Variants in PIEZO2 observed in about 807,000 individuals in gnomAD.
The protein encoded by PIEZO2 is piezo-type mechanosensitive ion channel component 2.
Under a neutral mutation model 337.3 loss-of-function variants are expected in PIEZO2, and 172 were observed. The observed-to-expected ratio is 0.51, with a 90% CI of 0.45 to 0.58. PIEZO2 has a LOEUF of 0.58. PIEZO2 is among the 20% of genes least tolerant of loss of function. The pLI, the probability that PIEZO2 is intolerant of heterozygous loss-of-function variation, is 0.00. For missense variants in PIEZO2, 3,028 were observed against 3,391.3 expected, an observed-to-expected ratio of 0.89 and a Z score of 2.66; for synonymous variants, 1,251 against 1,228.5, an observed-to-expected ratio of 1.02 and a Z score of -0.38.
chr18:10,936,364 C>T (rs1199242963), intron 3 of PIEZO2, among the ~76,000 whole-genome samples: 3 of 152,134 alleles, frequency 2.0e-5, no homozygotes, highest in Non-Finnish European at 4.4e-5. Context: ...CTTGGAATGT[C>T]TCCTGGAGTC....
At chr18:10,958,327 G>C (rs906954320) in intron 3 of PIEZO2, among the ~76,000 whole-genome samples, 1 of 152,020 alleles carries the variant, frequency 6.6e-6, no homozygotes, top group Non-Finnish European at 1.5e-5. Flanking sequence ...AAACTAGAAA[G>C]GTTGCCATCA....
chr18:10,726,697 G>C lies in PIEZO2; in HGVS notation c.5029+4710C>G. 1 of 1,434,468 alleles carries C rather than the reference G, an allele frequency of 7.0e-7. No homozygotes were observed. The highest frequency in any genetic ancestry group is 9.7e-7 in the Non-Finnish European group (1 of 1,028,628). 88.9% of individuals were successfully genotyped at this position (1,434,468 alleles called of 1,614,324 possible). A position where few individuals can be genotyped will look rare whatever the true frequency, so the allele number is the denominator to read the frequency against. On this transcript the variant is annotated intron_variant, in intron 36 of 55. Transcript: ENST00000674853. The surrounding 1 kb of genome is among the most constrained non-coding windows in gnomAD (Gnocchi z 5.9). ...GCCAAGTTAATTCAGCAAGGACCAGGTGTACCTGAACGGCATCCTGTGCAT... is the reference window on the plus strand; with the variant it reads ...GCCAAGTTAATTCAGCAAGGACCAGCTGTACCTGAACGGCATCCTGTGCAT...
chr18:11,085,125 C>A (rs9807702), intron 1 of PIEZO2, among the ~76,000 whole-genome samples: 1 of 152,152 alleles, frequency 6.6e-6, no homozygotes, highest in African/African-American at 2.4e-5. Context: ...TCAAGATGAA[C>A]ATAAGAGGAC....
At chr18:11,120,153 A>G (rs567376860) in intron 1 of PIEZO2, among the ~76,000 whole-genome samples, 133 of 152,322 alleles carry the variant, frequency 8.7e-4, no homozygotes, top group African/African-American at 3.1e-3. Flanking sequence ...CCAGCCACAG[A>G]TAACATCAGT....
chr18:10,905,779 C>T (rs977626256), intron 4 of PIEZO2, among the ~76,000 whole-genome samples: 3 of 152,008 alleles, frequency 2.0e-5, no homozygotes, highest in Non-Finnish European at 4.4e-5. Flanking sequence ...TTTCCTAAGT[C>T]CACTCTTTTA....
intron 3 of PIEZO2, among the ~76,000 whole-genome samples, chr18:10,923,079 T>G (rs1305484083): frequency 6.6e-6 from 1 of 152,154 alleles, no homozygotes; most frequent in Admixed American, 6.5e-5. Flanking sequence ...AGAAGACATT[T>G]CCAGTAACCA....
chr18:11,020,809 C>T (rs1026634715), intron 2 of PIEZO2, among the ~76,000 whole-genome samples: 4 of 152,232 alleles, frequency 2.6e-5, no homozygotes, highest in Non-Finnish European at 5.9e-5. Context: ...TTTCGGAATA[C>T]TTGACATTCG....
rs962604002 is a variant in PIEZO2 at position 11,080,861 on chromosome 18, C to CATAA, written c.65-14643_65-14640dup. On this transcript the variant is annotated intron_variant, in intron 1 of 55. Coordinates refer to ENST00000674853, the MANE Select transcript of PIEZO2 (RefSeq NM_001378183.1). The surrounding 1 kb of genome is among the most constrained non-coding windows in gnomAD (Gnocchi z 5.4). Reference sequence around the variant, plus strand: ...CTGTCAATAAATAAATAAACAAACACATAAATAAATAAATAAAGCAGAGAT... The same window carrying CATAA: ...CTGTCAATAAATAAATAAACAAACACATAAATAAATAAATAAATAAAGCAGAGAT... Among the ~76,000 whole-genome samples the CATAA allele has an allele frequency of 5.3e-5, 8 of 151,952 alleles. No individual in the cohort carries two copies. Among genetic ancestry groups the CATAA allele is most frequent in the East Asian group, 3.9e-4 (2 of 5,186 alleles).
intron 21 of PIEZO2, among the ~76,000 whole-genome samples, chr18:10,764,845 C>T (rs2038286299): frequency 6.6e-6 from 1 of 152,168 alleles, no homozygotes; most frequent in African/African-American, 2.4e-5. Context: ...AACATGTTAC[C>T]TTTTAACAAA....
chr18:10,967,011 G>GTTTTTTTTTTTTTTTTT (rs1368023375), intron 3 of PIEZO2, among the ~76,000 whole-genome samples: 3 of 109,392 alleles, frequency 2.7e-5, no homozygotes, highest in Non-Finnish European at 1.9e-5. Flanking sequence ...CATTTTCTCT[G>GTTTTTTTTTTTTTTTTT]TTTTTTGTTT....
chr18:10,705,798 TG>T, intron 40 of PIEZO2, 52 bp from the exon 41 acceptor site: 1 of 1,457,278 alleles, frequency 6.9e-7, no homozygotes, highest in South Asian at 1.4e-5. Context: ...TCCACACTCC[TG>T]GGGTTCTTTC....
rs1568066720 is a variant in PIEZO2, at chr18:10,795,374, ATTTTATTTTATTTTATTTTATTTTAT to A, written c.1528-398_1528-373del. On this transcript the variant is annotated intron_variant, in intron 12 of 55. Transcript: ENST00000674853. This position sits in a 1 kb window ranked among gnomAD's most constrained non-coding sequence, Gnocchi z 4.4. ...TTATTATTTTATTTTATTTTATTTTATTTTATTTTATTTTATTTTATTTTATTTTATTTTATTCAGCTCTATTGCTT... is the reference window on the plus strand; with the variant it reads ...TTATTATTTTATTTTATTTTATTTTATTTATTTTATTCAGCTCTATTGCTT... 9.9e-4 allele frequency among the ~76,000 whole-genome samples: 56 copies of A among 56,740 alleles called. 1 individual carries two copies. The highest frequency in any genetic ancestry group is 2.6e-3 in the African/African-American group (53 of 20,376). 37.2% of individuals were successfully genotyped at this position (56,740 alleles called of 152,430 possible). A position where few individuals can be genotyped will look rare whatever the true frequency, so the allele number is the denominator to read the frequency against.
In PIEZO2 at chr18:10,726,538, T is replaced by G. The variant is rs907109667; in HGVS notation, c.5029+4869A>C. ...TGTGGCGCGCTGCGCTGCTCTGCTCTGCTACACCAGCCGCCACGCTGTGCG... is the reference window on the plus strand; with the variant it reads ...TGTGGCGCGCTGCGCTGCTCTGCTCGGCTACACCAGCCGCCACGCTGTGCG... On this transcript the variant is annotated intron_variant, in intron 36 of 55. Transcript: ENST00000674853. This position sits in a 1 kb window ranked among gnomAD's most constrained non-coding sequence, Gnocchi z 5.9. The G allele has an allele frequency of 7.0e-7, 1 of 1,438,496 alleles. No individual in the cohort carries two copies. Among genetic ancestry groups the G allele is most frequent in the Admixed American group, 2.4e-5 (1 of 41,044 alleles). The allele number at this position is 1,438,496 out of a possible 1,614,324, so 89.1% of individuals were successfully genotyped here.
intron 11 of PIEZO2, among the ~76,000 whole-genome samples, chr18:10,798,358 G>T (rs113527547): frequency 6.6e-6 from 1 of 152,218 alleles, no homozygotes; most frequent in Non-Finnish European, 1.5e-5. Flanking sequence ...AGGTATAAAT[G>T]ACTGAAAAAT....
chr18:11,107,914 C>T (rs1032958074), intron 1 of PIEZO2, among the ~76,000 whole-genome samples: 9 of 152,166 alleles, frequency 5.9e-5, no homozygotes, highest in Admixed American at 1.3e-4. Context: ...ACACAGTATA[C>T]GTTACTAAAC....
Position 11,070,585 on chromosome 18 carries a change from G to A in PIEZO2, c.65-4363C>T, listed in dbSNP as rs1051422950. Among the ~76,000 whole-genome samples the A allele has an allele frequency of 1.3e-5, 2 of 152,210 alleles. No individual in the cohort carries two copies. Among genetic ancestry groups the A allele is most frequent in the Non-Finnish European group, 2.9e-5 (2 of 68,046 alleles). ...CCAGGAAAGCCTAGCTTCACAAAGG[G>A]AAAGGTTTTCACAAAAGAAGTCCAC... On this transcript the variant is annotated intron_variant, in intron 1 of 55. Coordinates refer to ENST00000674853, the MANE Select transcript of PIEZO2 (RefSeq NM_001378183.1). This position sits in a 1 kb window ranked among gnomAD's most constrained non-coding sequence, Gnocchi z 4.3.
In PIEZO2 at chr18:10,705,438, C is replaced by A. The variant is rs373973800; in HGVS notation, c.5897G>T (p.Arg1966Leu). 3 of 1,537,126 alleles carry A rather than the reference C, an allele frequency of 2.0e-6. No homozygotes were observed. The highest frequency in any genetic ancestry group is 4.9e-5 in the East Asian group (2 of 40,916). The change falls in exon 41 of 56, where the codon CGT becomes CTT. Residue 1966 changes from arginine (R) to leucine (L), a missense_variant. Arg to Leu is a moderately radical substitution (Grantham distance 102). Coordinates refer to ENST00000674853, the MANE Select transcript of PIEZO2 (RefSeq NM_001378183.1). Reference sequence around the variant, plus strand: ...GCTGTCGTCCGGGCTGACTGCCATACGGTTCTTGCCTGCAGAGTCGTCCTG... The same window carrying A: ...GCTGTCGTCCGGGCTGACTGCCATAAGGTTCTTGCCTGCAGAGTCGTCCTG... Reference protein sequence around the residue: ...GSQDDSAGKNRMAVSPDDSRT... With the variant: ...GSQDDSAGKNLMAVSPDDSRT...
Position 11,129,811 on chromosome 18 carries a change from T to C in PIEZO2, c.64+18714A>G, listed in dbSNP as rs2040289415. Among the ~76,000 whole-genome samples the C allele has an allele frequency of 2.0e-5, 3 of 152,186 alleles. No individual in the cohort carries two copies. Among genetic ancestry groups the C allele is most frequent in the East Asian group, 3.9e-4 (2 of 5,194 alleles). ...TGGATCCAGGGGACCCAAAATGTCA[T>C]CGTGGTACTTCAGTTAAAGTAGGGG... On this transcript the variant is annotated intron_variant, in intron 1 of 55. Coordinates refer to ENST00000674853, the MANE Select transcript of PIEZO2 (RefSeq NM_001378183.1). This position sits in a 1 kb window ranked among gnomAD's most constrained non-coding sequence, Gnocchi z 4.6.
rs1393689348 is a variant in PIEZO2 at position 10,677,289 on chromosome 18, C to T, written c.8081+458G>A. Among the ~76,000 whole-genome samples, 5 of 152,154 alleles carry T rather than the reference C, an allele frequency of 3.3e-5. No individual in the cohort carries two copies. In the East Asian group the frequency reaches 9.6e-4, roughly 29 times the overall value. On this transcript the variant is annotated intron_variant, in intron 53 of 55. Coordinates refer to ENST00000674853, the MANE Select transcript of PIEZO2 (RefSeq NM_001378183.1). This position sits in a 1 kb window ranked among gnomAD's most constrained non-coding sequence, Gnocchi z 4.1. ...CTGGAGTGCAGTGCTGCGATCTAGG[C>T]TCACTGCAACCTCTGCCTCAAGAAT...
Sources: gnomAD v4.1 joint callset for allele counts (sites outside exome capture counted in the v4.1 genomes callset) on GRCh38, gnomAD v4.1.1 for gene constraint, Gnocchi (gnomAD v3.1) non-coding constraint, MANE v1.5 for transcripts, NCBI Gene and HGNC (gene_info 2026-07-23, HGNC 2026-07-21) for gene names.